TRPC5: variants seen among roughly 807,000 people sequenced by gnomAD.
TRPC5 encodes the protein transient receptor potential cation channel subfamily C member 5.
In TRPC5, 9 loss-of-function variants were observed where a neutral mutation model predicts 56.5. The observed-to-expected ratio is 0.16, with a 90% CI of 0.10 to 0.28. The LOEUF (loss-of-function observed/expected upper bound fraction) is 0.28, where lower values mean the gene tolerates loss of function less well. Among genes scored for constraint, TRPC5 ranks in the 10% least tolerant of loss-of-function variants. The pLI, the probability that TRPC5 is intolerant of heterozygous loss-of-function variation, is 1.00. For missense variants in TRPC5, 469 were observed against 748.9 expected, an observed-to-expected ratio of 0.63 and a Z score of 4.36; for synonymous variants, 282 against 278.5, an observed-to-expected ratio of 1.01 and a Z score of -0.13.
At chrX:111,955,128 T>C (rs189017247) in intron 1 of TRPC5, among the ~76,000 whole-genome samples, 1 of 112,200 alleles carries the variant, frequency 8.9e-6, no homozygotes, top group East Asian at 2.8e-4. Flanking sequence ...GGATGATATA[T>C]AGTCAGTTCA....
intron 7 of TRPC5, among the ~76,000 whole-genome samples, chrX:111,790,231 A>G (rs1398178956): frequency 1.8e-5 from 2 of 111,766 alleles, no homozygotes; most frequent in Non-Finnish European, 3.8e-5. Context: ...ATGCAGCCAT[A>G]AAAAAGGATG....
intron 9 of TRPC5, 118 bp downstream of exon 9, chrX:111,781,047 C>G: frequency 1.4e-6 from 1 of 729,294 alleles, no homozygotes; most frequent in South Asian, 2.1e-5. Flanking sequence ...ACAGCCTTTC[C>G]AAGCCTCCTA....
chrX:111,812,117 T>G (rs1360480058), intron 7 of TRPC5, among the ~76,000 whole-genome samples: 1 of 76,609 alleles, frequency 1.3e-5, no homozygotes, highest in East Asian at 2.9e-4. Flanking sequence ...TGCCGGTGGT[T>G]TTTTTTTTTT....
chrX:111,964,588 C>T (rs1927501372), intron 1 of TRPC5, among the ~76,000 whole-genome samples: 1 of 111,584 alleles, frequency 9.0e-6, no homozygotes, highest in Non-Finnish European at 1.9e-5. Flanking sequence ...GGTGGGGTTA[C>T]CCACAAAGGG....
intron 7 of TRPC5, among the ~76,000 whole-genome samples, chrX:111,818,234 C>T (rs1156932019): frequency 8.9e-6 from 1 of 112,298 alleles, no homozygotes; most frequent in African/African-American, 3.2e-5. Flanking sequence ...GAACATAGAG[C>T]TGGCTCATTT....
At chrX:111,908,044 G>T (rs1009537762) in intron 3 of TRPC5, among the ~76,000 whole-genome samples, 2 of 111,920 alleles carry the variant, frequency 1.8e-5, no homozygotes, top group Non-Finnish European at 3.8e-5. Flanking sequence ...AAAGGACATT[G>T]CTGATTTGTT....
intron 2 of TRPC5, among the ~76,000 whole-genome samples, chrX:111,945,502 G>A (rs1926911246): frequency 9.1e-6 from 1 of 110,154 alleles, no homozygotes; most frequent in East Asian, 2.9e-4. Flanking sequence ...CACACACACC[G>A]ACATACATAG....
chrX:111,917,249 A>C (rs761919945), intron 2 of TRPC5, among the ~76,000 whole-genome samples: 6 of 112,242 alleles, frequency 5.3e-5, no homozygotes, highest in Admixed American at 3.8e-4. Flanking sequence ...GGAGCAGATA[A>C]CCCGCTCTCG....
At chrX:111,803,750 GC>G (rs1347898709) in intron 7 of TRPC5, among the ~76,000 whole-genome samples, 1 of 111,558 alleles carries the variant, frequency 9.0e-6, no homozygotes, top group Non-Finnish European at 1.9e-5. Flanking sequence ...CTGGATATTA[GC>G]CCTTTGTCAG....
intron 3 of TRPC5, among the ~76,000 whole-genome samples, chrX:111,865,760 T>G (rs897852619): frequency 4.5e-5 from 5 of 112,347 alleles, no homozygotes; most frequent in African/African-American, 1.6e-4. Flanking sequence ...AATGAGTGAT[T>G]GAATAAATAG....
intron 2 of TRPC5, among the ~76,000 whole-genome samples, chrX:111,924,317 C>T (rs1261741733): frequency 9.0e-6 from 1 of 111,073 alleles, no homozygotes; most frequent in African/African-American, 3.3e-5. Context: ...GAGTTGAGAC[C>T]TTGGGTGACA....
chrX:112,035,460 TATATATA>T (rs1929710375), intron 1 of TRPC5, among the ~76,000 whole-genome samples: 1 of 109,154 alleles, frequency 9.2e-6, no homozygotes, highest in Non-Finnish European at 1.9e-5. Flanking sequence ...TGAACTCATA[TATATATA>T]TATATATGTT....
intron 7 of TRPC5, among the ~76,000 whole-genome samples, chrX:111,817,471 G>A (rs919473080): frequency 2.7e-5 from 3 of 109,127 alleles, no homozygotes; most frequent in African/African-American, 1.0e-4. Context: ...GATTCCAGGC[G>A]CCCATCACCA....
At chrX:111,872,443 C>T (rs1489687895) in intron 3 of TRPC5, among the ~76,000 whole-genome samples, 1 of 111,810 alleles carries the variant, frequency 8.9e-6, no homozygotes, top group Non-Finnish European at 1.9e-5. Context: ...TCAGATCCTA[C>T]AAATAAGTCT....
chrX:111,890,202 G>A (rs1005232817), intron 3 of TRPC5, among the ~76,000 whole-genome samples: 2 of 112,385 alleles, frequency 1.8e-5, no homozygotes, highest in Non-Finnish European at 3.8e-5. Context: ...TTTACATTGT[G>A]TAAGGTATCA....
intron 1 of TRPC5, among the ~76,000 whole-genome samples, chrX:112,078,468 G>T (rs1206534490): frequency 1.8e-5 from 2 of 111,593 alleles, no homozygotes; most frequent in African/African-American, 6.5e-5. Context: ...GTCTGTTTTA[G>T]GCAGGTCATT....
intron 3 of TRPC5, among the ~76,000 whole-genome samples, chrX:111,892,413 A>T (rs1176242494): frequency 8.9e-6 from 1 of 112,116 alleles, no homozygotes; most frequent in Non-Finnish European, 1.9e-5. Context: ...ATGCTTTGAA[A>T]GAATCATTGT....
chrX:111,892,464 T>C (rs1348656139), intron 3 of TRPC5, among the ~76,000 whole-genome samples: 1 of 112,126 alleles, frequency 8.9e-6, no homozygotes, highest in African/African-American at 3.2e-5. Flanking sequence ...CAACTGGCAG[T>C]GTGTTGGAGG....
intron 1 of TRPC5, among the ~76,000 whole-genome samples, chrX:111,998,536 C>A (rs1236383837): frequency 8.9e-6 from 1 of 111,748 alleles, no homozygotes; most frequent in Non-Finnish European, 1.9e-5. Context: ...GCAGTCAGCC[C>A]TGCCAAACCC....
Sources: gnomAD v4.1 joint callset for allele counts (sites outside exome capture counted in the v4.1 genomes callset) on GRCh38, gnomAD v4.1.1 for gene constraint, MANE v1.5 for transcripts, NCBI Gene and HGNC (gene_info 2026-07-23, HGNC 2026-07-21) for gene names.